The following VWF variants were observed in gnomAD, a reference collection of about 807,000 sequenced individuals.
VWF encodes the protein Factor VIII related antigen.
A neutral mutation model predicts 308.6 loss-of-function variants in VWF; 176 were observed. The ratio of observed to expected loss-of-function variants is 0.57; its 90% CI spans 0.50 to 0.65. VWF has a LOEUF of 0.65. Among genes scored for constraint, VWF ranks in the 30% least tolerant of loss-of-function variants. The pLI, the probability that VWF is intolerant of heterozygous loss-of-function variation, is 0.00. For missense variants in VWF, 3,146 were observed against 3,648.2 expected (o/e 0.86, Z 3.55); for synonymous variants, 1,385 against 1,443.4 (o/e 0.96, Z 0.92).
intron 20 of VWF, among the ~76,000 whole-genome samples, chr12:6,032,372 G>A (rs1432607081): frequency 3.3e-5 from 5 of 150,948 alleles, no homozygotes; most frequent in Admixed American, 6.6e-5. Flanking sequence ...GGGCATGGTG[G>A]CCCACGCCTG....
chr12:5,995,794 G>A (rs2136387296), intron 35 of VWF, among the ~76,000 whole-genome samples: 1 of 152,210 alleles, frequency 6.6e-6, no homozygotes, highest in East Asian at 1.9e-4. Flanking sequence ...ATTCCATCTT[G>A]CAAATCTGAG....
rs923210125 is a variant in VWF at position 6,063,420 on chromosome 12, A to G, written c.1433-366T>C. ...CACGACATCTGAATGTGCCTGGGAC[A>G]CTCTGCCACTGCACACCACCTCATG... On this transcript the variant is annotated intron_variant, in intron 12 of 51. Transcript: ENST00000261405. The surrounding 1 kb of genome is among the most constrained non-coding windows in gnomAD (Gnocchi z 4.9). Among the ~76,000 whole-genome samples, 2 of 152,014 alleles carry G rather than the reference A, an allele frequency of 1.3e-5. No homozygotes were observed. The highest frequency in any genetic ancestry group is 2.9e-5 in the Non-Finnish European group (2 of 67,994).
rs1396150672 is a variant in VWF, at chr12:5,969,197, C to G, written c.7729+14G>C. On this transcript the variant is annotated intron_variant, in intron 45 of 51. Transcript: ENST00000261405. ...GGTGCCCGGTCCAGCCCAGCCCCAGCCTGCATGCCTTACCACAGCGACAGC... is the reference window on the plus strand; with the variant it reads ...GGTGCCCGGTCCAGCCCAGCCCCAGGCTGCATGCCTTACCACAGCGACAGC... 2 of 1,608,264 alleles carry G rather than the reference C, an allele frequency of 1.2e-6. No homozygotes were observed. Among genetic ancestry groups the G allele is most frequent in the East Asian group, 4.5e-5 (2 of 44,734 alleles).
chr12:5,948,951 G>T lies in VWF; in HGVS notation c.*64C>A. 1 of 1,550,358 alleles carries T rather than the reference G, an allele frequency of 6.5e-7. No homozygotes were observed. On this transcript the variant is annotated 3_prime_UTR_variant, in exon 52 of 52. Coordinates refer to ENST00000261405, the MANE Select transcript of VWF (RefSeq NM_000552.5). This position sits in a 1 kb window ranked among gnomAD's most constrained non-coding sequence, Gnocchi z 4.4. ...GAGCAGAACATGCAGAGGACTGGCA[G>T]CACTCTGGCCTGGCCATCAGGCCAA...
intron 5 of VWF, among the ~76,000 whole-genome samples, chr12:6,105,067 G>T (rs572346641): frequency 9.2e-5 from 14 of 152,198 alleles, no homozygotes; most frequent in Non-Finnish European, 1.8e-4. Context: ...AGAAAGAGTA[G>T]AATGATAGAT....
At chr12:6,010,787 T>C (rs146689140) in intron 34 of VWF, among the ~76,000 whole-genome samples, 9,342 of 152,294 alleles carry the variant, frequency 0.061, 886 homozygotes, top group African/African-American at 0.21. Flanking sequence ...GCAGGCAGCC[T>C]AAATTGGAAC....
chr12:6,031,331 T>C (rs1265678794), intron 21 of VWF, 113 bp downstream of exon 21: 6 of 1,577,506 alleles, frequency 3.8e-6, no homozygotes, highest in Non-Finnish European at 5.2e-6. Context: ...TCCTCTTTAA[T>C]GGCTGTGCGT....
intron 38 of VWF, among the ~76,000 whole-genome samples, chr12:5,989,207 A>T (rs1188297543): frequency 6.6e-6 from 1 of 152,128 alleles, no homozygotes; most frequent in Non-Finnish European, 1.5e-5. Context: ...TTCTGATCCT[A>T]CTCCAAAGAC....
chr12:6,117,514 C>T (rs933361735), intron 3 of VWF, among the ~76,000 whole-genome samples: 2 of 152,234 alleles, frequency 1.3e-5, no homozygotes, highest in Admixed American at 6.5e-5. Flanking sequence ...TAAGCAGTCA[C>T]ATTTTCAGAT....
rs564799010 is a variant in VWF at position 6,041,901 on chromosome 12, A to G, written c.2442+2390T>C. Among the ~76,000 whole-genome samples the G allele has an allele frequency of 1.2e-4, 18 of 152,362 alleles. No individual in the cohort carries two copies. In the South Asian group the frequency reaches 3.5e-3, roughly 30 times the overall value. The stretch of plus-strand genomic sequence containing the variant: ...CATCCTTTACAGGTCTCTCCTATGG[A>G]CAGCAGGAAGAACTGATGGGTGCAG... On this transcript the variant is annotated intron_variant, in intron 18 of 51. Coordinates refer to ENST00000261405, the MANE Select transcript of VWF (RefSeq NM_000552.5).
intron 31 of VWF, among the ~76,000 whole-genome samples, chr12:6,015,409 T>A (rs1389025986): frequency 6.6e-6 from 1 of 151,958 alleles, no homozygotes; most frequent in Non-Finnish European, 1.5e-5. Context: ...AAGACAGGGT[T>A]CTGACAGCAC....
intron 27 of VWF, 78 bp downstream of exon 27, chr12:6,021,822 C>T: frequency 6.3e-7 from 1 of 1,596,300 alleles, no homozygotes; most frequent in South Asian, 1.1e-5. Context: ...GACTTTTTAC[C>T]CAAAACCTAG....
rs1182041957 is a variant in VWF, at chr12:6,058,850, G to A, written c.1534-806C>T. Reference sequence around the variant, plus strand: ...ACATTCGGGAACAACCAGCAGAGTGGAGCCCGCCCTTCCCCCACACAGCTG... The same window carrying A: ...ACATTCGGGAACAACCAGCAGAGTGAAGCCCGCCCTTCCCCCACACAGCTG... On this transcript the variant is annotated intron_variant, in intron 13 of 51. Transcript: ENST00000261405. This position sits in a 1 kb window ranked among gnomAD's most constrained non-coding sequence, Gnocchi z 4.9. Among the ~76,000 whole-genome samples the A allele has an allele frequency of 6.6e-6, 1 of 152,212 alleles. No individual in the cohort carries two copies. Among genetic ancestry groups the A allele is most frequent in the African/African-American group, 2.4e-5 (1 of 41,448 alleles).
At chr12:6,103,201 A>C (rs538105013) in intron 5 of VWF, among the ~76,000 whole-genome samples, 383 of 151,306 alleles carry the variant, frequency 2.5e-3, no homozygotes, top group African/African-American at 8.9e-3. Context: ...GGTGGTGGGC[A>C]CCTGTAGTCC....
intron 11 of VWF, 25 bp downstream of exon 11, chr12:6,065,112 C>T (rs1371890862): frequency 6.2e-7 from 1 of 1,614,060 alleles, no homozygotes; most frequent in Non-Finnish European, 8.5e-7. Context: ...ACCACCCGAC[C>T]AGCAGCCGGG....
At chr12:6,081,009 C>G (rs1044947195) in intron 6 of VWF, among the ~76,000 whole-genome samples, 1 of 152,176 alleles carries the variant, frequency 6.6e-6, no homozygotes, top group Non-Finnish European at 1.5e-5. Flanking sequence ...ATCTCTGGCT[C>G]TTACCATCCA....
intron 40 of VWF, among the ~76,000 whole-genome samples, chr12:5,984,825 C>G (rs1943659378): frequency 6.6e-6 from 1 of 152,252 alleles, no homozygotes; most frequent in South Asian, 2.1e-4. Context: ...TTAATCCTGT[C>G]AAACCTGTGT....
chr12:5,964,844 G>A (rs760849184), intron 47 of VWF, among the ~76,000 whole-genome samples: 3 of 152,168 alleles, frequency 2.0e-5, no homozygotes, highest in Non-Finnish European at 4.4e-5. Flanking sequence ...GAAAGATTTG[G>A]AAGAAAAGGG....
intron 34 of VWF, among the ~76,000 whole-genome samples, chr12:6,001,646 G>T (rs947152381): frequency 6.6e-6 from 1 of 152,220 alleles, no homozygotes; most frequent in Non-Finnish European, 1.5e-5. Context: ...ACTAATAACA[G>T]GATACTTTTA....
Sources: allele counts gnomAD v4.1 joint callset (sites outside exome capture counted in the v4.1 genomes callset), GRCh38; gene constraint gnomAD v4.1.1; non-coding constraint Gnocchi (gnomAD v3.1); transcripts MANE v1.5; gene names NCBI Gene and HGNC (gene_info 2026-07-23, HGNC 2026-07-21).